Variants in PDE4D observed in about 807,000 individuals in gnomAD.
The protein encoded by PDE4D is phosphodiesterase 4D.
In PDE4D, 24 loss-of-function variants were observed where a neutral mutation model predicts 87.4. That is an observed-to-expected ratio of 0.27 (90% confidence interval 0.20 to 0.39). The LOEUF (loss-of-function observed/expected upper bound fraction) is 0.39, where lower values mean the gene tolerates loss of function less well. Ranked by LOEUF, PDE4D falls within the 10% of genes least tolerant of loss-of-function variation. The probability of loss-of-function intolerance (pLI) is 1.00; values close to 1 mark genes in which losing one functional copy is unlikely to be tolerated. For missense variants in PDE4D, 714 were observed against 1,041.0 expected (o/e 0.69, Z 4.32); for synonymous variants, 384 against 383.2 (o/e 1.00, Z -0.02).
At chr5:60,317,299 C>T (rs79874908) in intron 1 of PDE4D, among the ~76,000 whole-genome samples, 62,616 of 151,882 alleles carry the variant, frequency 0.41, 15,157 homozygotes, top group African/African-American at 0.68. Context: ...TATTCTCTAA[C>T]GGTAGTTTGT....
intron 2 of PDE4D, among the ~76,000 whole-genome samples, chr5:60,150,911 A>G (rs1781447191): frequency 6.6e-6 from 1 of 152,190 alleles, no homozygotes; most frequent in Non-Finnish European, 1.5e-5. Flanking sequence ...ACAGCCCCTT[A>G]TCATAAATGG....
intron 1 of PDE4D, among the ~76,000 whole-genome samples, chr5:59,542,102 A>C (rs1816455637): frequency 6.6e-6 from 1 of 152,152 alleles, no homozygotes; most frequent in Admixed American, 6.6e-5. Context: ...TATTTCTCAA[A>C]TGACTCACAA....
chr5:59,119,513 A>G (rs963350366), intron 5 of PDE4D, among the ~76,000 whole-genome samples: 1 of 152,238 alleles, frequency 6.6e-6, no homozygotes, highest in East Asian at 1.9e-4. Context: ...TGTTTATAAA[A>G]CACCAAATTG....
chr5:59,931,936 C>T (rs1284971258), intron 3 of PDE4D, among the ~76,000 whole-genome samples: 2 of 152,052 alleles, frequency 1.3e-5, no homozygotes, highest in East Asian at 1.9e-4. Flanking sequence ...CTCCTGACCT[C>T]GTAATCTGCC....
chr5:60,475,351 T>C (rs1400192059), intron 1 of PDE4D, among the ~76,000 whole-genome samples: 1 of 152,110 alleles, frequency 6.6e-6, no homozygotes, highest in Non-Finnish European at 1.5e-5. Context: ...CAACTGGAGC[T>C]TAGGATCAAA....
chr5:60,122,924 A>T lies in PDE4D; in HGVS notation c.42+62633T>A, dbSNP rs1778816973. Reference sequence around the variant, plus strand: ...CTCTTGAATACTTTGCTGCTTAGAAATTTCTTCCACCAGATACCCTAAATC... The same window carrying T: ...CTCTTGAATACTTTGCTGCTTAGAATTTTCTTCCACCAGATACCCTAAATC... On this transcript the variant is annotated intron_variant, in intron 2 of 16. Coordinates refer to the PDE4D transcript ENST00000502484. 2.0e-5 allele frequency among the ~76,000 whole-genome samples: 3 copies of T among 152,146 alleles called. No individual in the cohort carries two copies. In the South Asian group the frequency reaches 6.2e-4, roughly 32 times the overall value.
chr5:59,586,686 A>G (rs904842740), intron 1 of PDE4D: 1 of 985,286 alleles, frequency 1.0e-6, no homozygotes, highest in Admixed American at 6.1e-5. Flanking sequence ...AATGGTGGCA[A>G]ATATTGTCCT....
chr5:59,342,761 A>C (rs1346965748), intron 1 of PDE4D, among the ~76,000 whole-genome samples: 1 of 151,928 alleles, frequency 6.6e-6, no homozygotes, highest in Non-Finnish European at 1.5e-5. Flanking sequence ...AGTCAGAAGT[A>C]GTCTTCATTT....
intron 5 of PDE4D, among the ~76,000 whole-genome samples, chr5:59,062,690 G>C (rs1210248009): frequency 1.4e-5 from 2 of 142,458 alleles, no homozygotes; most frequent in African/African-American, 2.6e-5. Flanking sequence ...TTTACAATGA[G>C]TGAATGCATG....
intron 1 of PDE4D, among the ~76,000 whole-genome samples, chr5:59,574,080 ATATT>A (rs1323687453): frequency 9.6e-4 from 3 of 3,132 alleles, no homozygotes; most frequent in Non-Finnish European, 1.4e-3. Flanking sequence ...ATTTATATAT[ATATT>A]TATATATATA....
intron 1 of PDE4D, among the ~76,000 whole-genome samples, chr5:60,335,326 C>G (rs115827086): frequency 1.3e-3 from 204 of 152,246 alleles, no homozygotes; most frequent in African/African-American, 4.9e-3. Context: ...TCAGTGAAGT[C>G]AGAGAGTGAA....
chr5:59,467,551 T>C (rs1160569204), intron 1 of PDE4D, among the ~76,000 whole-genome samples: 2 of 152,232 alleles, frequency 1.3e-5, no homozygotes, highest in Non-Finnish European at 2.9e-5. Flanking sequence ...GGATAGATAA[T>C]CTCAATTTAT....
At chr5:59,640,937 T>C (rs1741478345) in intron 1 of PDE4D, among the ~76,000 whole-genome samples, 1 of 152,224 alleles carries the variant, frequency 6.6e-6, no homozygotes, top group African/African-American at 2.4e-5. Context: ...CTTTGTCTCT[T>C]GTGTAGTCTC....
At chr5:59,347,927 T>A (rs978282402) in intron 1 of PDE4D, among the ~76,000 whole-genome samples, 1 of 152,144 alleles carries the variant, frequency 6.6e-6, no homozygotes, top group Non-Finnish European at 1.5e-5. Flanking sequence ...TATATGCAAA[T>A]AAATTATCAA....
intron 5 of PDE4D, among the ~76,000 whole-genome samples, chr5:59,095,255 A>G (rs1769481636): frequency 6.6e-6 from 1 of 151,486 alleles, no homozygotes; most frequent in Non-Finnish European, 1.5e-5. Context: ...TTTTAGGCTT[A>G]TTAAATTACA....
chr5:60,395,014 C>G (rs1762791853), intron 1 of PDE4D, among the ~76,000 whole-genome samples: 1 of 152,182 alleles, frequency 6.6e-6, no homozygotes, highest in South Asian at 2.1e-4. Flanking sequence ...TAAGGCTATA[C>G]TAATACTCCT....
Position 59,400,012 on chromosome 5 carries a change from G to A in PDE4D, c.456-184044C>T, listed in dbSNP as rs1466015827. Reference sequence around the variant, plus strand: ...CACCATCACTGGCCATCAGAGAAACGCAAATCAAAACCACAATGAGATACC... The same window carrying A: ...CACCATCACTGGCCATCAGAGAAACACAAATCAAAACCACAATGAGATACC... On this transcript the variant is annotated intron_variant, in intron 1 of 14. Coordinates refer to ENST00000340635, the MANE Select transcript of PDE4D (RefSeq NM_001104631.2). 7.7e-5 allele frequency among the ~76,000 whole-genome samples: 9 copies of A among 116,790 alleles called. 2 individuals are homozygous for A. The highest frequency in any genetic ancestry group is 1.6e-4 in the Non-Finnish European group (9 of 55,766). 76.6% of individuals were successfully genotyped at this position (116,790 alleles called of 152,430 possible). A position where few individuals can be genotyped will look rare whatever the true frequency, so the allele number is the denominator to read the frequency against.
chr5:59,281,885 C>A (rs537372509), intron 1 of PDE4D, among the ~76,000 whole-genome samples: 36 of 152,220 alleles, frequency 2.4e-4, no homozygotes, highest in Middle Eastern at 3.4e-3. Flanking sequence ...AAAGAAAAAA[C>A]AATTATGGAA....
chr5:59,631,690 G>T (rs916575456), intron 1 of PDE4D, among the ~76,000 whole-genome samples: 3 of 152,182 alleles, frequency 2.0e-5, no homozygotes, highest in Non-Finnish European at 4.4e-5. Context: ...GAGGGACTGT[G>T]CCGTGAGGAA....
Sources: allele counts gnomAD v4.1 joint callset (sites outside exome capture counted in the v4.1 genomes callset), GRCh38; gene constraint gnomAD v4.1.1; transcripts MANE v1.5; gene names NCBI Gene and HGNC (gene_info 2026-07-23, HGNC 2026-07-21).